The following SPATA6 variants were observed in gnomAD, a reference collection of about 807,000 sequenced individuals.
SPATA6 encodes the protein spermatogenesis-associated protein 6.
SPATA6 carries 56 observed loss-of-function variants against 65.3 expected under a neutral mutation model. The ratio of observed to expected loss-of-function variants is 0.86; its 90% CI spans 0.69 to 1.07. SPATA6 has a LOEUF of 1.07. Ranked by LOEUF, SPATA6 falls within the 50% of genes least tolerant of loss-of-function variation. The pLI, the probability that SPATA6 is intolerant of heterozygous loss-of-function variation, is 0.00. For missense variants in SPATA6, 590 were observed against 594.8 expected (o/e 0.99, Z 0.08); for synonymous variants, 199 against 213.2 (o/e 0.93, Z 0.58).
intron 3 of SPATA6, among the ~76,000 whole-genome samples, chr1:48,442,353 A>C (rs1339541409): frequency 6.6e-6 from 1 of 152,196 alleles, no homozygotes; most frequent in Non-Finnish European, 1.5e-5. Context: ...GTTCCTAACC[A>C]CTGGGGGAAC....
chr1:48,364,648 TG>T (rs1320182294), intron 9 of SPATA6, among the ~76,000 whole-genome samples: 3 of 152,212 alleles, frequency 2.0e-5, no homozygotes, highest in Non-Finnish European at 2.9e-5. Flanking sequence ...TTGATGGGGT[TG>T]TTTTTTTCTT....
chr1:48,369,685 T>C (rs1647170634), intron 9 of SPATA6, among the ~76,000 whole-genome samples: 1 of 152,214 alleles, frequency 6.6e-6, no homozygotes, highest in Admixed American at 6.5e-5. Context: ...CTGTCACCCC[T>C]TTCTTTGATT....
chr1:48,439,616 G>A (rs938480558), intron 3 of SPATA6, among the ~76,000 whole-genome samples: 5 of 151,970 alleles, frequency 3.3e-5, no homozygotes, highest in African/African-American at 7.3e-5. Flanking sequence ...TCCAGGGACC[G>A]TTGTAGGTTC....
At chr1:48,313,396 T>A (rs921509067) in intron 11 of SPATA6, among the ~76,000 whole-genome samples, 12 of 152,102 alleles carry the variant, frequency 7.9e-5, no homozygotes, top group Admixed American at 3.3e-4. Flanking sequence ...TATTCAACAT[T>A]CTTAAAGAAA....
At chr1:48,310,768 G>A (rs185521660) in intron 11 of SPATA6, among the ~76,000 whole-genome samples, 7 of 152,220 alleles carry the variant, frequency 4.6e-5, no homozygotes, top group East Asian at 3.9e-4. Flanking sequence ...TCCACCCAAC[G>A]ATAGCAAAAT....
At chr1:48,442,717 T>TAAAAAAAAAAAAAAAAAAAA (rs71056669) in intron 3 of SPATA6, among the ~76,000 whole-genome samples, 2 of 46,212 alleles carry the variant, frequency 4.3e-5, no homozygotes, top group African/African-American at 1.8e-4. Context: ...ATGGAAGTAG[T>TAAAAAAAAAAAAAAAAAAAA]AAAAAAAAAA....
chr1:48,402,075 G>T (rs1396647608), intron 6 of SPATA6, among the ~76,000 whole-genome samples: 4 of 151,976 alleles, frequency 2.6e-5, no homozygotes, highest in African/African-American at 9.7e-5. Flanking sequence ...TAAAGAAAAT[G>T]TATTTCCTTA....
the SPATA6 span, among the ~76,000 whole-genome samples, chr1:48,277,748 G>A: frequency 6.6e-6 from 1 of 152,350 alleles, no homozygotes; most frequent in East Asian, 1.9e-4. Context: ...ACCTCTGGGG[G>A]CAGGGCACAG....
At position 48,317,613 on chromosome 1, in the gene SPATA6, C is replaced by G. The variant is rs539205147; in HGVS notation, c.1195-11735G>C. Among the ~76,000 whole-genome samples, 8 of 151,958 alleles carry G rather than the reference C, an allele frequency of 5.3e-5. 1 individual carries two copies. In the East Asian group the frequency reaches 1.6e-3, roughly 29 times the overall value. On this transcript the variant is annotated intron_variant, in intron 11 of 12. Transcript: ENST00000371847. ...TAATGGGTGCAGCACACCAACATAG[C>G]ACATGTATATATATGTAACAAACCT...
At chr1:48,343,004 T>A (rs1177344547) in intron 11 of SPATA6, among the ~76,000 whole-genome samples, 1 of 152,166 alleles carries the variant, frequency 6.6e-6, no homozygotes, top group Non-Finnish European at 1.5e-5. Flanking sequence ...GGTATCTGCA[T>A]CTGTGGAGGA....
intron 11 of SPATA6, among the ~76,000 whole-genome samples, chr1:48,309,754 C>A (rs778263437): frequency 9.9e-5 from 15 of 152,126 alleles, no homozygotes; most frequent in Non-Finnish European, 2.1e-4. Context: ...AGTCAACATT[C>A]CTTTTTGTGG....
At chr1:48,343,067 C>T (rs967512733) in intron 11 of SPATA6, among the ~76,000 whole-genome samples, 1 of 151,890 alleles carries the variant, frequency 6.6e-6, no homozygotes, top group Non-Finnish European at 1.5e-5. Flanking sequence ...TTCAAAATAA[C>T]AAAAAAATGC....
At chr1:48,362,088 T>A (rs937969727) in intron 9 of SPATA6, among the ~76,000 whole-genome samples, 2 of 152,008 alleles carry the variant, frequency 1.3e-5, no homozygotes, top group African/African-American at 4.8e-5. Flanking sequence ...GTCAACAATG[T>A]AAGTGCATAT....
chr1:48,403,736 G>C (rs1651408025), intron 6 of SPATA6, 66 bp downstream of exon 6: 2 of 1,325,976 alleles, frequency 1.5e-6, no homozygotes, highest in Non-Finnish European at 2.1e-6. Flanking sequence ...AATAACGCTT[G>C]CCAAAAGGCC....
At chr1:48,267,905 C>T in the SPATA6 span, among the ~76,000 whole-genome samples, 4 of 151,770 alleles carry the variant, frequency 2.6e-5, no homozygotes, top group African/African-American at 7.3e-5. Context: ...GTGCCCGCCA[C>T]CACGCTTGGC....
chr1:48,401,268 T>C (rs1289729820), intron 6 of SPATA6, among the ~76,000 whole-genome samples: 1 of 152,058 alleles, frequency 6.6e-6, no homozygotes, highest in East Asian at 1.9e-4. Flanking sequence ...ATTTCAGCAA[T>C]GCTGTAAAGT....
chr1:48,453,128 T>C lies in SPATA6; in HGVS notation c.55A>G (p.Thr19Ala), dbSNP rs756833028. 5.0e-6 allele frequency: 8 copies of C among 1,608,698 alleles called. No homozygotes were observed. The highest frequency in any genetic ancestry group is 1.3e-5 in the African/African-American group (1 of 74,618). Residue 19 changes from threonine (T) to alanine (A), a missense_variant, in exon 2 of 13, where the codon ACT becomes GCT. Thr to Ala is a moderately conservative substitution (Grantham distance 58). Transcript: ENST00000371847. Reference sequence around the variant, plus strand: ...TCTTTAAGCACGACTCCTGGGCAAGTTACCTGAAAGAAATTAGATAAAATG... The same window carrying C: ...TCTTTAAGCACGACTCCTGGGCAAGCTACCTGAAAGAAATTAGATAAAATG... ...CALALEISSV[T>A]CPGVVLKDKE... is the part of the protein sequence containing the mutation.
chr1:48,355,708 C>T lies in SPATA6; in HGVS notation c.1156G>A (p.Val386Ile). ...TGATGAGCCTGATGTGATTTCAAGA[C>T]ATTTTTTACCCGGTCATGGATCTCA... is the stretch of plus-strand genomic sequence containing the variant. ...CDEIHDRVKN[V>I]LKSHQAHQRH... is the part of the protein sequence containing the mutation. Residue 386 changes from valine to isoleucine, a missense_variant, in exon 11 of 13, where the codon GTC (valine) becomes ATC (isoleucine). By Grantham distance (29) the Val-to-Ile change is conservative. Transcript: ENST00000371847. The T allele has an allele frequency of 3.7e-6, 6 of 1,613,004 alleles. No individual in the cohort carries two copies. The highest frequency in any genetic ancestry group is 4.5e-5 in the East Asian group (2 of 44,778).
chr1:48,364,052 T>G (rs1184185060), intron 9 of SPATA6, among the ~76,000 whole-genome samples: 1 of 151,972 alleles, frequency 6.6e-6, no homozygotes, highest in Non-Finnish European at 1.5e-5. Context: ...ACATGTGGTG[T>G]TTGGTTTTTT....
Sources: gnomAD v4.1 joint callset for allele counts (sites outside exome capture counted in the v4.1 genomes callset) on GRCh38, gnomAD v4.1.1 for gene constraint, MANE v1.5 for transcripts, NCBI Gene and HGNC (gene_info 2026-07-23, HGNC 2026-07-21) for gene names.